The following COL26A1 variants were observed in gnomAD, a reference collection of about 807,000 sequenced individuals.
The protein encoded by COL26A1 is collagen alpha-1(XXVI) chain.
COL26A1 carries 41 observed loss-of-function variants against 59.3 expected under a neutral mutation model. The ratio of observed to expected loss-of-function variants is 0.69; its 90% CI spans 0.54 to 0.90. The LOEUF (loss-of-function observed/expected upper bound fraction) is 0.90. COL26A1 is among the 40% of genes least tolerant of loss of function. The pLI, the probability that COL26A1 is intolerant of heterozygous loss-of-function variation, is 0.00. For synonymous variants in COL26A1, 266 were observed against 256.0 expected (o/e 1.04, Z -0.37); for missense variants, 612 against 602.3 (o/e 1.02, Z -0.17).
chr7:101,505,154 G>T (rs538022752), intron 3 of COL26A1, among the ~76,000 whole-genome samples: 2 of 152,282 alleles, frequency 1.3e-5, no homozygotes, highest in African/African-American at 4.8e-5. Flanking sequence ...ATGCACGTGG[G>T]TCTGGGTGTG....
intron 2 of COL26A1, among the ~76,000 whole-genome samples, chr7:101,429,589 CTTTTTTTTTT>C (rs58432413): frequency 3.8e-5 from 3 of 78,688 alleles, no homozygotes; most frequent in East Asian, 6.0e-4. Flanking sequence ...TTCTTTTTTA[CTTTTTTTTTT>C]TTTTTTTTTT....
intron 3 of COL26A1, among the ~76,000 whole-genome samples, chr7:101,531,064 G>A (rs1795358013): frequency 6.6e-6 from 1 of 151,734 alleles, no homozygotes; most frequent in Admixed American, 6.6e-5. Flanking sequence ...TCTGCCTCCT[G>A]GCTTCATGCC....
intron 2 of COL26A1, among the ~76,000 whole-genome samples, chr7:101,435,370 C>G (rs559587028): frequency 6.6e-6 from 1 of 152,286 alleles, no homozygotes; most frequent in East Asian, 1.9e-4. Flanking sequence ...GGAGGAAGCC[C>G]CTGGCTGGAG....
At chr7:101,471,571 GTTTTTTTTTTTT>G (rs71517177) in intron 3 of COL26A1, among the ~76,000 whole-genome samples, 7,514 of 93,062 alleles carry the variant, frequency 0.081, 468 homozygotes, top group East Asian at 0.37. Flanking sequence ...GTTGTTGTTT[GTTTTTTTTTTTT>G]TTTTTTTTTT....
chr7:101,440,560 G>A (rs58559992), intron 2 of COL26A1, among the ~76,000 whole-genome samples: 20,925 of 152,122 alleles, frequency 0.14, 2,348 homozygotes, highest in African/African-American at 0.31. Flanking sequence ...AGTCTTGGCC[G>A]GTTGGGATGG....
intron 1 of COL26A1, among the ~76,000 whole-genome samples, chr7:101,387,763 TATA>T (rs1791621042): frequency 1.5e-5 from 1 of 64,894 alleles, no homozygotes; most frequent in African/African-American, 5.4e-5. Context: ...TTTATATATA[TATA>T]TATATATATA....
chr7:101,519,603 G>A (rs75791077), intron 3 of COL26A1, among the ~76,000 whole-genome samples: 3,619 of 152,286 alleles, frequency 0.024, 75 homozygotes, highest in Non-Finnish European at 0.033. Flanking sequence ...CCAGCTGGGG[G>A]ACACTGAACA....
At chr7:101,536,274 C>G (rs1795480614) in intron 4 of COL26A1, among the ~76,000 whole-genome samples, 1 of 152,244 alleles carries the variant, frequency 6.6e-6, no homozygotes, top group South Asian at 2.1e-4. Flanking sequence ...CCTTGGCCTC[C>G]CAGTGTTGGG....
At chr7:101,475,856 CTT>C in intron 3 of COL26A1, among the ~76,000 whole-genome samples, 1 of 133,248 alleles carries the variant, frequency 7.5e-6, no homozygotes, top group Middle Eastern at 3.9e-3. Flanking sequence ...TTCTCTCTCT[CTT>C]TTTCTCTCTC....
intron 4 of COL26A1, among the ~76,000 whole-genome samples, chr7:101,539,471 G>A (rs1014927377): frequency 1.4e-4 from 21 of 152,176 alleles, no homozygotes; most frequent in African/African-American, 2.4e-4. Context: ...GACTGCAGGC[G>A]TGTGCCACCA....
rs549838612 is a variant in COL26A1 at position 101,533,232 on chromosome 7, C to T, written c.447+89C>T. 48 of 950,570 alleles carry T rather than the reference C, an allele frequency of 5.0e-5. No individual in the cohort carries two copies. The African/African-American group carries it at 5.5e-4, about 11-fold the overall frequency. 58.9% of individuals were successfully genotyped at this position (950,570 alleles called of 1,614,324 possible). A position where few individuals can be genotyped will look rare whatever the true frequency, so the allele number is the denominator to read the frequency against. On this transcript the variant is annotated intron_variant, in intron 4 of 12. Transcript: ENST00000313669. ...GCATCAGGCAACCACTGGGTGTGGC[C>T]GTGGAATTCCCAGCCCCGGGTTTCC...
intron 3 of COL26A1, among the ~76,000 whole-genome samples, chr7:101,529,489 G>C (rs142368616): frequency 6.6e-6 from 1 of 152,028 alleles, no homozygotes; most frequent in African/African-American, 2.4e-5. Context: ...GGCTGGTCTC[G>C]AACTCCTGAT....
chr7:101,467,499 T>C (rs1040182200), intron 3 of COL26A1, among the ~76,000 whole-genome samples: 2 of 151,556 alleles, frequency 1.3e-5, no homozygotes, highest in African/African-American at 4.8e-5. Context: ...CCCAATCTTT[T>C]ATTGTGCAGA....
chr7:101,439,172 G>C (rs1200237760), intron 2 of COL26A1, among the ~76,000 whole-genome samples: 2 of 152,082 alleles, frequency 1.3e-5, no homozygotes, highest in African/African-American at 4.8e-5. Context: ...CCCAGGAAAA[G>C]CCTCAGCTCT....
chr7:101,397,561 G>A lies in COL26A1; in HGVS notation c.159-22416G>A, dbSNP rs186027499. On this transcript the variant is annotated intron_variant, in intron 1 of 12. Transcript: ENST00000313669. ...CCCCCTCCTTTTTTTTTTTGAGACAGGGTCTCCCTCTGTCACCCAGGGTGA... is the reference window on the plus strand; with the variant it reads ...CCCCCTCCTTTTTTTTTTTGAGACAAGGTCTCCCTCTGTCACCCAGGGTGA... 9.0e-4 allele frequency among the ~76,000 whole-genome samples: 106 copies of A among 118,054 alleles called. 1 individual carries two copies. The highest frequency in any genetic ancestry group is 2.9e-3 in the African/African-American group (96 of 33,552). 77.4% of individuals were successfully genotyped at this position (118,054 alleles called of 152,430 possible).
chr7:101,433,909 C>T (rs1020779227), intron 2 of COL26A1, among the ~76,000 whole-genome samples: 1 of 152,132 alleles, frequency 6.6e-6, no homozygotes, highest in Non-Finnish European at 1.5e-5. Flanking sequence ...CTACATGGAC[C>T]AGCACATTGA....
chr7:101,547,380 CG>C, intron 8 of COL26A1, 141 bp downstream of exon 8: 1 of 536,982 alleles, frequency 1.9e-6, no homozygotes, highest in Admixed American at 3.6e-5. Context: ...CTGTCCCACC[CG>C]CTGTGTGGCA....
intron 4 of COL26A1, among the ~76,000 whole-genome samples, chr7:101,536,881 C>A (rs898687843): frequency 5.9e-5 from 9 of 152,346 alleles, no homozygotes; most frequent in Middle Eastern, 3.4e-3. Flanking sequence ...CCAGGCATCA[C>A]ATCCTCACCT....
At chr7:101,535,437 G>A (rs921488524) in intron 4 of COL26A1, among the ~76,000 whole-genome samples, 8 of 152,196 alleles carry the variant, frequency 5.3e-5, no homozygotes, top group East Asian at 1.9e-4. Context: ...GTTAAAAGTC[G>A]CAGCTCTAGG....
Sources: gnomAD v4.1 joint callset for allele counts (sites outside exome capture counted in the v4.1 genomes callset) on GRCh38, gnomAD v4.1.1 for gene constraint, MANE v1.5 for transcripts, NCBI Gene and HGNC (gene_info 2026-07-23, HGNC 2026-07-21) for gene names.